Variants in KLC4 observed in about 807,000 individuals in gnomAD.
The protein encoded by KLC4 is kinesin light chain 4, also known as kinesin-like protein 8.
Under a neutral mutation model 77.2 loss-of-function variants are expected in KLC4, and 49 were observed. The observed-to-expected ratio is 0.63, with a 90% CI of 0.50 to 0.80. The LOEUF is 0.80. Ranked by LOEUF, KLC4 falls within the 30% of genes least tolerant of loss-of-function variation. KLC4 has a pLI of 0.00. For synonymous variants in KLC4, 274 were observed against 314.5 expected (o/e 0.87, Z 1.36); for missense variants, 669 against 793.5 (o/e 0.84, Z 1.89).
At chr6:43,070,989 T>A in intron 8 of KLC4, 124 bp downstream of exon 8, 1 of 867,158 alleles carries the variant, frequency 1.2e-6, no homozygotes, top group Non-Finnish European at 1.7e-6. Flanking sequence ...TCTGGCACAC[T>A]GCTCTCATCA....
chr6:43,073,030 G>C, intron 13 of KLC4, 66 bp downstream of exon 13: 1 of 1,524,660 alleles, frequency 6.6e-7, no homozygotes, highest in Non-Finnish European at 8.8e-7. Flanking sequence ...AGAGGCTCTT[G>C]GCCATGCTGT....
rs1392777752 is a variant in KLC4, at chr6:43,071,486, G to T, written c.1256-81G>T. The T allele has an allele frequency of 7.7e-6, 12 of 1,561,076 alleles. No individual in the cohort carries two copies. In the South Asian group the frequency reaches 8.9e-5, roughly 12 times the overall value. ...GGGGGAGCCAGACCCCTTCAGTCCA[G>T]CCTGTCAGCCTCTGGGTCCTGGCTC... is the stretch of plus-strand genomic sequence containing the variant. On this transcript the variant is annotated intron_variant, in intron 9 of 15. Transcript: ENST00000347162.
chr6:43,071,457 C>T, intron 9 of KLC4, 83 bp downstream of exon 9: 1 of 1,541,636 alleles, frequency 6.5e-7, no homozygotes, highest in Non-Finnish European at 9.0e-7. Flanking sequence ...CACAGCGGTT[C>T]CCAGGGGGAG....
chr6:43,070,657 C>T (rs1561918988), intron 7 of KLC4, 35 bp from the exon 8 acceptor site: 2 of 1,584,734 alleles, frequency 1.3e-6, no homozygotes, highest in Admixed American at 3.4e-5. Flanking sequence ...CACATGTTAT[C>T]ATAGCCATTT....
intron 6 of KLC4, among the ~76,000 whole-genome samples, chr6:43,069,979 A>G (rs928204423): frequency 2.0e-5 from 3 of 152,038 alleles, no homozygotes; most frequent in Non-Finnish European, 4.4e-5. Context: ...GTTTACATTT[A>G]GCGTTTGGAT....
chr6:43,067,206 A>G (rs1765480267), intron 6 of KLC4, 123 bp downstream of exon 6: 1 of 1,445,578 alleles, frequency 6.9e-7, no homozygotes, highest in Non-Finnish European at 9.2e-7. Context: ...GGAAGGAGGC[A>G]TAAGAAGTCC....
Position 43,074,697 on chromosome 6 carries a change from C to G in KLC4, c.*25C>G. ...ACATTCAACCCGGCCCCCAGGTCTG[C>G]TGGGTCCCCCCACCCCCACAGCCCT... On this transcript the variant is annotated 3_prime_UTR_variant, in exon 16 of 16. Coordinates refer to ENST00000347162, the MANE Select transcript of KLC4 (RefSeq NM_201521.3). 1 of 1,606,656 alleles carries G rather than the reference C, an allele frequency of 6.2e-7. No individual in the cohort carries two copies. Among genetic ancestry groups the G allele is most frequent in the Non-Finnish European group, 8.5e-7 (1 of 1,173,124 alleles).
rs1261120644 is a variant in KLC4 at position 43,070,853 on chromosome 6, C to G, written c.1143C>G (p.Thr381=). The G allele has an allele frequency of 1.3e-6, 2 of 1,584,364 alleles. No individual in the cohort carries two copies. Among genetic ancestry groups the G allele is most frequent in the South Asian group, 2.2e-5 (2 of 90,400 alleles). Reference sequence around the variant, plus strand: ...CGGACAACCCTAATGTAGCCCGGACCAAGAACAACCTGGTATGGGAGGAGG... The same window carrying G: ...CGGACAACCCTAATGTAGCCCGGACGAAGAACAACCTGGTATGGGAGGAGG... ...LGPDNPNVAR[T]KNNLASCYLK... The change falls in exon 8 of 16, where the codon ACC becomes ACG. Residue 381 remains threonine (T), a synonymous_variant. Coordinates refer to ENST00000347162, the MANE Select transcript of KLC4 (RefSeq NM_201521.3).
At chr6:43,062,364 C>T (rs1271505975) in intron 2 of KLC4, among the ~76,000 whole-genome samples, 2 of 152,232 alleles carry the variant, frequency 1.3e-5, no homozygotes, top group African/African-American at 4.8e-5. Flanking sequence ...CCTGCCTCAG[C>T]CTCCCGAGTA....
Position 43,066,611 on chromosome 6 carries a change from G to A in KLC4, c.791+86G>A, listed in dbSNP as rs1025986795. The A allele has an allele frequency of 5.7e-6, 7 of 1,217,796 alleles. No homozygotes were observed. In the East Asian group the frequency reaches 1.7e-4, roughly 29 times the overall value. 75.4% of individuals were successfully genotyped at this position (1,217,796 alleles called of 1,614,324 possible). Reference sequence around the variant, plus strand: ...TTGGCTTTCATTTTTCCTCTTTACAGGGTACCTCTCCTCCCTGTTGGGCCT... The same window carrying A: ...TTGGCTTTCATTTTTCCTCTTTACAAGGTACCTCTCCTCCCTGTTGGGCCT... On this transcript the variant is annotated intron_variant, in intron 5 of 15. Coordinates refer to ENST00000347162, the MANE Select transcript of KLC4 (RefSeq NM_201521.3).
intron 3 of KLC4, among the ~76,000 whole-genome samples, chr6:43,064,505 T>C (rs960514313): frequency 2.0e-5 from 3 of 152,178 alleles, no homozygotes; most frequent in African/African-American, 7.2e-5. Context: ...GCCTGGGCTG[T>C]TGCCAGACTA....
At chr6:43,059,822 T>G in intron 1 of KLC4, 137 bp downstream of exon 1, 1 of 1,165,540 alleles carries the variant, frequency 8.6e-7, no homozygotes, top group Admixed American at 4.4e-5. Context: ...CCCTTCGCGA[T>G]TCTTCCCCGC....
rs946195651 is a variant in KLC4, at chr6:43,067,100, C to T, written c.879+17C>T. 20 of 1,613,580 alleles carry T rather than the reference C, an allele frequency of 1.2e-5. No homozygotes were observed. Among genetic ancestry groups the T allele is most frequent in the East Asian group, 2.2e-5 (1 of 44,886 alleles). ...CATCCTGCTGTCAGTATTCCTTGCC[C>T]TCCCCACCCCACGCCCCGCACCCCC... On this transcript the variant is annotated intron_variant, in intron 6 of 15. Transcript: ENST00000347162.
At chr6:43,060,099 A>C in intron 1 of KLC4, 1 of 1,547,990 alleles carries the variant, frequency 6.5e-7, no homozygotes, top group Non-Finnish European at 8.7e-7. Context: ...GCGACCCGGC[A>C]GCCGTTCAGC....
intron 6 of KLC4, chr6:43,067,337 CAT>C (rs1362493406): frequency 4.2e-6 from 3 of 715,680 alleles, no homozygotes; most frequent in Admixed American, 3.9e-5. Flanking sequence ...GGTAAATCCA[CAT>C]ATGATTTCTA....
intron 8 of KLC4, among the ~76,000 whole-genome samples, 191 bp from the exon 9 acceptor site, chr6:43,071,084 T>G (rs1263407323): frequency 6.7e-6 from 1 of 150,146 alleles, no homozygotes; most frequent in African/African-American, 2.5e-5. Context: ...TTCTTGGGAG[T>G]GGGCTGGGAA....
At chr6:43,069,660 C>A (rs1486948444) in intron 6 of KLC4, among the ~76,000 whole-genome samples, 3 of 152,180 alleles carry the variant, frequency 2.0e-5, no homozygotes, top group Non-Finnish European at 4.4e-5. Context: ...AAGCAATTCT[C>A]CTGCCTCAGC....
At position 43,072,807 on chromosome 6, in the gene KLC4, C is replaced by T. The variant is rs368819117; in HGVS notation, c.1489-17C>T. ...GTTAAGGAGTAGGAAGTCCCAGGTC[C>T]TTCCTTTTCCTTCCAGGGCACTGAC... On this transcript the variant is annotated splice_polypyrimidine_tract_variant and intron_variant, in intron 12 of 15. Coordinates refer to ENST00000347162, the MANE Select transcript of KLC4 (RefSeq NM_201521.3). The T allele has an allele frequency of 3.1e-6, 5 of 1,613,188 alleles. No homozygotes were observed. The African/African-American group carries it at 4.0e-5, about 13-fold the overall frequency.
At chr6:43,073,130 G>A in intron 13 of KLC4, 93 bp from the exon 14 acceptor site, 1 of 1,320,002 alleles carries the variant, frequency 7.6e-7, no homozygotes, top group Non-Finnish European at 1.1e-6. Context: ...CCTTGGGGGT[G>A]GGGGATGTGT....
Sources: allele counts gnomAD v4.1 joint callset (sites outside exome capture counted in the v4.1 genomes callset), GRCh38; gene constraint gnomAD v4.1.1; transcripts MANE v1.5; gene names NCBI Gene and HGNC (gene_info 2026-07-23, HGNC 2026-07-21).